DNAH3: variants seen among roughly 807,000 people sequenced by gnomAD.
DNAH3 encodes axonemal beta dynein heavy chain 3.
A neutral mutation model predicts 432.5 loss-of-function variants in DNAH3; 332 were observed. The ratio of observed to expected loss-of-function variants is 0.77; its 90% confidence interval spans 0.70 to 0.84. The LOEUF is 0.84. DNAH3 is among the 40% of genes least tolerant of loss of function. The pLI, the probability that DNAH3 is intolerant of heterozygous loss-of-function variation, is 0.00. For missense variants in DNAH3, 4,861 were observed against 5,114.0 expected (o/e 0.95, Z 1.51); for synonymous variants, 1,956 against 1,900.2 (o/e 1.03, Z -0.76).
intron 1 of DNAH3, among the ~76,000 whole-genome samples, chr16:21,154,534 C>T (rs1270570762): frequency 6.6e-6 from 1 of 152,136 alleles, no homozygotes; most frequent in Non-Finnish European, 1.5e-5. Flanking sequence ...ACTATCAAAA[C>T]AATACTAATG....
Position 20,964,019 on chromosome 16 carries a change from C to T in DNAH3, c.9865G>A (p.Glu3289Lys), listed in dbSNP as rs775655391. Reference sequence around the variant, plus strand: ...ACTGGCTTGTAGCCCATCCGAGTCTCGTCAATCTGCGTTTCTGTCATGGAA... The same window carrying T: ...ACTGGCTTGTAGCCCATCCGAGTCTTGTCAATCTGCGTTTCTGTCATGGAA... Residue 3289 changes from glutamate (E) to lysine (K), a missense_variant, in exon 53 of 62, where the codon GAG becomes AAG. By Grantham distance (56) the Glu-to-Lys change is moderately conservative. Coordinates refer to ENST00000261383, the Ensembl canonical transcript of DNAH3. 11 of 1,614,030 alleles carry T rather than the reference C, an allele frequency of 6.8e-6. No homozygotes were observed. In the African/African-American group the frequency reaches 8.0e-5, roughly 12 times the overall value.
At chr16:20,981,835 C>T (rs1023620560) in intron 49 of DNAH3, among the ~76,000 whole-genome samples, 3 of 151,832 alleles carry the variant, frequency 2.0e-5, no homozygotes, top group Non-Finnish European at 4.4e-5. Context: ...GTTGACTGAT[C>T]TCTAGCCTTC....
intron 9 of DNAH3, among the ~76,000 whole-genome samples, chr16:21,124,731 C>T (rs558287062): frequency 6.6e-6 from 1 of 152,090 alleles, no homozygotes; most frequent in East Asian, 1.9e-4. Context: ...CTCACTGCAA[C>T]TTCCGCCGCC....
intron 38 of DNAH3, among the ~76,000 whole-genome samples, chr16:21,025,392 T>TA (rs1303367217): frequency 1.4e-5 from 2 of 148,044 alleles, no homozygotes; most frequent in African/African-American, 4.9e-5. Flanking sequence ...ATATATATTA[T>TA]TATATATTAG....
At position 21,060,361 on chromosome 16, in the gene DNAH3, G is replaced by A. The variant is rs765357310; in HGVS notation, c.3721-5C>T. 1 of 1,612,494 alleles carries A rather than the reference G, an allele frequency of 6.2e-7. No individual in the cohort carries two copies. Among genetic ancestry groups the A allele is most frequent in the African/African-American group, 1.3e-5 (1 of 74,832 alleles). ...GAGCCACTTTTCCACCATGCCCTAT[G>A]GAGCAAGACAGAGAGAGGGTGCAGC... On this transcript the variant is annotated splice_region_variant and splice_polypyrimidine_tract_variant and intron_variant, in intron 25 of 61. Transcript: ENST00000261383.
intron 58 of DNAH3, among the ~76,000 whole-genome samples, chr16:20,943,026 T>C (rs1232591761): frequency 6.6e-6 from 1 of 151,928 alleles, no homozygotes; most frequent in South Asian, 2.1e-4. Flanking sequence ...TGGGTTCAAG[T>C]GATCCTCCTG....
At chr16:21,130,206 A>G (rs1055468754) in intron 7 of DNAH3, 1 of 151,916 alleles carries the variant, frequency 6.6e-6, no homozygotes, top group Non-Finnish European at 1.5e-5. Flanking sequence ...ACCTCCTAGA[A>G]CTATTGATGC....
At chr16:21,038,055 T>G (rs1300004331) in intron 33 of DNAH3, 75 bp from the exon 34 acceptor site, 1 of 1,364,304 alleles carries the variant, frequency 7.3e-7, no homozygotes, top group Admixed American at 1.9e-5. Flanking sequence ...CCAATATCCT[T>G]GTCCTTGCCC....
intron 1 of DNAH3, 117 bp downstream of exon 2, chr16:21,150,173 C>A: frequency 5.2e-6 from 2 of 384,742 alleles, no homozygotes; most frequent in Non-Finnish European, 9.9e-6. Context: ...TGCAGTGAGC[C>A]GAGATCACAC....
chr16:20,973,637 T>G (rs1212206741), intron 51 of DNAH3, among the ~76,000 whole-genome samples: 1 of 152,228 alleles, frequency 6.6e-6, no homozygotes, highest in Non-Finnish European at 1.5e-5. Flanking sequence ...ATATACAACA[T>G]CACATCAGTG....
chr16:21,139,958 T>C (rs2092697735), intron 5 of DNAH3, among the ~76,000 whole-genome samples: 1 of 151,752 alleles, frequency 6.6e-6, no homozygotes, highest in South Asian at 2.1e-4. Flanking sequence ...TTTGTTTTTG[T>C]ATTTTTAGTA....
chr16:21,153,767 C>T (rs549090368), intron 1 of DNAH3, among the ~76,000 whole-genome samples: 77 of 152,142 alleles, frequency 5.1e-4, no homozygotes, highest in African/African-American at 1.8e-3. Context: ...TAACACTCAC[C>T]GCGAGGGCCC....
chr16:20,987,645 G>A (rs750869365), intron 46 of DNAH3, 48 bp downstream of exon 46: 2 of 1,603,598 alleles, frequency 1.2e-6, no homozygotes, highest in South Asian at 2.2e-5. Context: ...GTTCTATGTA[G>A]CCAAGGATAT....
intron 1 of DNAH3, among the ~76,000 whole-genome samples, chr16:21,153,651 C>T (rs532931362): frequency 1.6e-4 from 25 of 152,206 alleles, no homozygotes; most frequent in Non-Finnish European, 2.4e-4. Context: ...AGGTCTGCAG[C>T]TTCACTCCTG....
At chr16:20,981,364 T>C (rs1019843323) in intron 49 of DNAH3, among the ~76,000 whole-genome samples, 1 of 152,164 alleles carries the variant, frequency 6.6e-6, no homozygotes, top group Non-Finnish European at 1.5e-5. Context: ...AAGTTCAAAA[T>C]ACCCCAAATG....
At position 21,028,314 on chromosome 16, in the gene DNAH3, G is replaced by A. The variant is rs151153296; in HGVS notation, c.5440-1187C>T. On this transcript the variant is annotated intron_variant, in intron 37 of 61. Transcript: ENST00000261383. The stretch of plus-strand genomic sequence containing the variant: ...CTGTCTCTGCCTCCCAAAGTGCTAG[G>A]ATCACAAGCATAAGCCACCGTGCCT... Among the ~76,000 whole-genome samples, 675 of 152,112 alleles carry A rather than the reference G, an allele frequency of 4.4e-3. 8 individuals are homozygous for A. Among genetic ancestry groups the A allele is most frequent in the African/African-American group, 0.015 (633 of 41,506 alleles).
chr16:21,122,115 C>T (rs1298671880), exon 10 of DNAH3: 4 of 1,610,614 alleles, frequency 2.5e-6, no homozygotes, highest in Non-Finnish European at 3.4e-6. Flanking sequence ...TCCTTAAAAT[C>T]ATTCCCATCC....
At chr16:20,954,297 T>TC (rs2084458342) in intron 55 of DNAH3, among the ~76,000 whole-genome samples, 1 of 150,344 alleles carries the variant, frequency 6.7e-6, no homozygotes, top group East Asian at 2.0e-4. Context: ...TAGACTTTTT[T>TC]TTTTTTTTTT....
intron 7 of DNAH3, among the ~76,000 whole-genome samples, chr16:21,132,000 G>A (rs1302793153): frequency 6.6e-6 from 1 of 151,998 alleles, no homozygotes; most frequent in Non-Finnish European, 1.5e-5. Flanking sequence ...CATTCTATAA[G>A]TTATTACTTT....
Sources: allele counts gnomAD v4.1 joint callset (sites outside exome capture counted in the v4.1 genomes callset), GRCh38; gene constraint gnomAD v4.1.1; transcripts MANE v1.5; gene names NCBI Gene and HGNC (gene_info 2026-07-23, HGNC 2026-07-21).